Variants in COL4A4 observed in about 807,000 individuals in gnomAD.
COL4A4 encodes collagen type IV alpha 4 chain, also known as collagen alpha-4(IV) chain.
In COL4A4, 105 loss-of-function variants were observed where a neutral mutation model predicts 192.9. That is an observed-to-expected ratio of 0.54 (90% CI 0.46 to 0.64). The LOEUF is 0.64. COL4A4 is among the 30% of genes least tolerant of loss of function. The pLI is 0.00. For missense variants in COL4A4, 1,967 were observed against 2,169.3 expected, an observed-to-expected ratio of 0.91 and a Z score of 1.85; for synonymous variants, 762 against 769.9, an observed-to-expected ratio of 0.99 and a Z score of 0.17.
intron 8 of COL4A4, 123 bp downstream of exon 8, chr2:227,114,505 G>T (rs2061382758): frequency 2.5e-6 from 2 of 810,340 alleles, no homozygotes; most frequent in Admixed American, 1.8e-5. Context: ...GAGGGTCAGG[G>T]TAATGATAAA....
chr2:227,101,739 C>T (rs1390570766), intron 16 of COL4A4, 126 bp downstream of exon 16: 2 of 1,048,146 alleles, frequency 1.9e-6, no homozygotes. Context: ...ATCCTGCAAT[C>T]CATAAAATGA....
chr2:227,085,734 G>A (rs4361118), intron 22 of COL4A4, among the ~76,000 whole-genome samples: 3,409 of 152,214 alleles, frequency 0.022, 62 homozygotes, highest in Middle Eastern at 0.095. Flanking sequence ...TCACCAAAGG[G>A]ATGGAGCTAA....
intron 26 of COL4A4, among the ~76,000 whole-genome samples, chr2:227,062,136 A>C (rs565588351): frequency 3.3e-5 from 5 of 151,984 alleles, no homozygotes; most frequent in African/African-American, 7.2e-5. Flanking sequence ...TACTTGGAAG[A>C]CTGAGGCGGA....
intron 1 of COL4A4, among the ~76,000 whole-genome samples, chr2:227,149,301 C>T (rs1057263204): frequency 3.3e-5 from 5 of 152,188 alleles, no homozygotes; most frequent in Admixed American, 1.3e-4. Context: ...ACACCCAGAT[C>T]TTTTCCTATC....
chr2:227,009,639 A>G (rs904841493), intron 46 of COL4A4, among the ~76,000 whole-genome samples: 3 of 151,700 alleles, frequency 2.0e-5, no homozygotes, highest in Non-Finnish European at 4.4e-5. Flanking sequence ...TGGAGGTTGC[A>G]GTGAGCCAAG....
chr2:227,053,928 T>G (rs114257215), intron 31 of COL4A4, among the ~76,000 whole-genome samples: 2,325 of 152,202 alleles, frequency 0.015, 52 homozygotes, highest in African/African-American at 0.053. Flanking sequence ...GTTGAGAAGT[T>G]GGCAAACTGC....
At chr2:227,149,763 AAT>A in intron 1 of COL4A4, among the ~76,000 whole-genome samples, 1 of 152,360 alleles carries the variant, frequency 6.6e-6, no homozygotes, top group Non-Finnish European at 1.5e-5. Context: ...ATTTTATTAA[AAT>A]AGAGTGTTGT....
At chr2:227,081,399 G>T (rs746926338) in intron 23 of COL4A4, among the ~76,000 whole-genome samples, 14 of 152,196 alleles carry the variant, frequency 9.2e-5, no homozygotes, top group Non-Finnish European at 1.9e-4. Flanking sequence ...TCAGTCTCCA[G>T]GTTCTTCGGC....
intron 25 of COL4A4, among the ~76,000 whole-genome samples, chr2:227,066,695 C>T (rs1328476449): frequency 1.3e-5 from 2 of 149,096 alleles, no homozygotes; most frequent in Admixed American, 1.3e-4. Flanking sequence ...CAGGCCTGCC[C>T]TAAAAGAGCT....
chr2:227,147,718 C>T (rs917779113), intron 1 of COL4A4, 134 bp from the exon 2 acceptor site: 25 of 439,286 alleles, frequency 5.7e-5, no homozygotes, highest in Non-Finnish European at 8.3e-5. Context: ...GATGGTGAAA[C>T]TGAATAAATA....
the COL4A4 span, among the ~76,000 whole-genome samples, chr2:226,987,606 T>C: frequency 9.8e-5 from 15 of 152,286 alleles, no homozygotes; most frequent in Admixed American, 3.9e-4. Flanking sequence ...TCATGGACAC[T>C]CGAACCTCTG....
chr2:227,060,865 T>C (rs1356069269), intron 26 of COL4A4, among the ~76,000 whole-genome samples: 1 of 151,884 alleles, frequency 6.6e-6, no homozygotes, highest in African/African-American at 2.4e-5. Context: ...GTGGCTGGGA[T>C]TGCAGGCGCC....
At chr2:227,129,383 T>C (rs557081159) in intron 4 of COL4A4, among the ~76,000 whole-genome samples, 2 of 151,760 alleles carry the variant, frequency 1.3e-5, no homozygotes, top group Admixed American at 1.3e-4. Context: ...TTGCTTAATA[T>C]CTGCTTGGGG....
chr2:226,995,166 A>G, the COL4A4 span, among the ~76,000 whole-genome samples: 12 of 152,214 alleles, frequency 7.9e-5, no homozygotes, highest in African/African-American at 2.7e-4. Context: ...ATGGAGCACG[A>G]TGGAAGGAAA....
At chr2:227,145,360 T>C (rs1383891278) in intron 2 of COL4A4, among the ~76,000 whole-genome samples, 1 of 152,078 alleles carries the variant, frequency 6.6e-6, no homozygotes, top group Non-Finnish European at 1.5e-5. Context: ...GATAAGAGAA[T>C]CACTTGAACC....
intron 9 of COL4A4, among the ~76,000 whole-genome samples, chr2:227,111,222 G>A (rs1295891128): frequency 6.6e-6 from 1 of 152,166 alleles, no homozygotes. Context: ...AGAAACATCA[G>A]AGAGATGAAG....
intron 1 of COL4A4, among the ~76,000 whole-genome samples, chr2:227,152,206 T>C (rs1186447877): frequency 6.6e-6 from 1 of 152,180 alleles, no homozygotes; most frequent in African/African-American, 2.4e-5. Context: ...TGGTAATATT[T>C]GGGAAAAATT....
intron 37 of COL4A4, among the ~76,000 whole-genome samples, chr2:227,041,852 A>AGAGAGAGAG (rs1971334980): frequency 2.2e-4 from 16 of 71,384 alleles, no homozygotes; most frequent in African/African-American, 6.2e-4. Context: ...AAGAAAGAGA[A>AGAGAGAGAG]AGAAAGAAAG....
intron 43 of COL4A4, among the ~76,000 whole-genome samples, chr2:227,023,833 G>A (rs566367752): frequency 2.1e-3 from 316 of 152,202 alleles, no homozygotes; most frequent in Non-Finnish European, 3.4e-3. Context: ...CCAACATGGT[G>A]AAACCCTGTC....
Sources: allele counts gnomAD v4.1 joint callset (sites outside exome capture counted in the v4.1 genomes callset), GRCh38; gene constraint gnomAD v4.1.1; transcripts MANE v1.5; gene names NCBI Gene and HGNC (gene_info 2026-07-23, HGNC 2026-07-21).